ASIC2: variants seen among roughly 807,000 people sequenced by gnomAD.
ASIC2 encodes the protein acid-sensing ion channel 2.
ASIC2 carries 25 observed loss-of-function variants against 57.3 expected under a neutral mutation model. That is an observed-to-expected ratio of 0.44 (90% confidence interval 0.32 to 0.61). The LOEUF (loss-of-function observed/expected upper bound fraction) is 0.61, where lower values mean the gene tolerates loss of function less well. Ranked by LOEUF, ASIC2 falls within the 20% of genes least tolerant of loss-of-function variation. The probability of loss-of-function intolerance (pLI) is 0.06; values close to 1 mark genes in which losing one functional copy is unlikely to be tolerated. For synonymous variants in ASIC2, 319 were observed against 307.5 expected (o/e 1.04, Z -0.39); for missense variants, 641 against 738.1 (o/e 0.87, Z 1.52).
At chr17:33,959,334 T>G (rs1904846144) in intron 1 of ASIC2, among the ~76,000 whole-genome samples, 1 of 152,206 alleles carries the variant, frequency 6.6e-6, no homozygotes, top group South Asian at 2.1e-4. Context: ...CAATTTACAG[T>G]ATTAATCAGG....
In ASIC2 at chr17:33,048,960, A is replaced by G. The variant is rs143122016; in HGVS notation, c.988-20568T>C. Among the ~76,000 whole-genome samples the G allele has an allele frequency of 2.1e-3, 327 of 152,316 alleles. 3 individuals carry two copies. The highest frequency in any genetic ancestry group is 2.0e-3 in the Non-Finnish European group (137 of 68,018). On this transcript the variant is annotated intron_variant, in intron 3 of 9. Transcript: ENST00000225823. ...GGACATGCACTCTTACCTTTTCATC[A>G]GGGGCTCAACCAAGTGACATCAGTG...
At chr17:33,272,626 C>T (rs111418255) in intron 1 of ASIC2, among the ~76,000 whole-genome samples, 3 of 152,266 alleles carry the variant, frequency 2.0e-5, no homozygotes, top group East Asian at 1.9e-4. Flanking sequence ...TCATCGTCAT[C>T]GTGAGCATCA....
At chr17:34,106,766 C>T (rs1230630619) in intron 1 of ASIC2, among the ~76,000 whole-genome samples, 2 of 152,152 alleles carry the variant, frequency 1.3e-5, no homozygotes, top group Non-Finnish European at 2.9e-5. Context: ...TGTTTTAAAG[C>T]ACTTTCTTAT....
chr17:33,500,937 G>A (rs555947590), intron 1 of ASIC2, among the ~76,000 whole-genome samples: 1 of 152,364 alleles, frequency 6.6e-6, no homozygotes, highest in African/African-American at 2.4e-5. Context: ...AACTCTCTCT[G>A]ATATTACCAC....
intron 1 of ASIC2, among the ~76,000 whole-genome samples, chr17:33,787,257 T>C (rs912658487): frequency 2.0e-5 from 3 of 152,244 alleles, no homozygotes; most frequent in African/African-American, 4.8e-5. Context: ...GTCCCAGAGC[T>C]ATTACTACCT....
At chr17:33,855,814 A>C (rs1237147945) in intron 1 of ASIC2, among the ~76,000 whole-genome samples, 1 of 152,212 alleles carries the variant, frequency 6.6e-6, no homozygotes, top group Non-Finnish European at 1.5e-5. Flanking sequence ...ATAACTCAGA[A>C]TGGCCAACTC....
At chr17:33,391,463 G>C (rs1333296053) in intron 1 of ASIC2, among the ~76,000 whole-genome samples, 1 of 152,142 alleles carries the variant, frequency 6.6e-6, no homozygotes, top group East Asian at 1.9e-4. Flanking sequence ...TCTGGTCCTG[G>C]CTTCTCTTAG....
intron 1 of ASIC2, among the ~76,000 whole-genome samples, chr17:33,563,611 C>T (rs1413325245): frequency 6.6e-6 from 1 of 152,182 alleles, no homozygotes; most frequent in Non-Finnish European, 1.5e-5. Flanking sequence ...CCACCTGAAA[C>T]TTCTGGAGTG....
intron 1 of ASIC2, chr17:34,041,275 G>C (rs1425912775): frequency 6.6e-6 from 1 of 152,170 alleles, no homozygotes; most frequent in Admixed American, 6.5e-5. Flanking sequence ...ATCCTGGGTC[G>C]GAGGCAGAAG....
intron 1 of ASIC2, among the ~76,000 whole-genome samples, chr17:33,462,321 G>A (rs1387418163): frequency 6.6e-6 from 1 of 152,130 alleles, no homozygotes; most frequent in Non-Finnish European, 1.5e-5. Flanking sequence ...TGTAGCCATG[G>A]GACTAAATTC....
chr17:33,202,081 A>G (rs1906891683), intron 1 of ASIC2, among the ~76,000 whole-genome samples: 1 of 151,956 alleles, frequency 6.6e-6, no homozygotes, highest in South Asian at 2.1e-4. Context: ...GTCTAACACT[A>G]CTGGCTTGCC....
chr17:33,028,792 A>G (rs2091869187), intron 3 of ASIC2, among the ~76,000 whole-genome samples: 1 of 152,196 alleles, frequency 6.6e-6, no homozygotes, highest in Admixed American at 6.5e-5. Context: ...TCTCTTGGAA[A>G]GACCCAACTA....
At position 33,763,949 on chromosome 17, in the gene ASIC2, T is replaced by G. The variant is rs543331973; in HGVS notation, c.555+392029A>C. ...GTTGGAGGATTTCCCCTGCATCAACTCCATCCTGGGGGCTGCCCTCCTACC... is the reference window on the plus strand; with the variant it reads ...GTTGGAGGATTTCCCCTGCATCAACGCCATCCTGGGGGCTGCCCTCCTACC... On this transcript the variant is annotated intron_variant, in intron 1 of 9. Coordinates refer to the ASIC2 transcript ENST00000359872. 2.0e-5 allele frequency among the ~76,000 whole-genome samples: 3 copies of G among 152,300 alleles called. No homozygotes were observed. The South Asian group carries it at 6.2e-4, about 32-fold the overall frequency.
chr17:34,104,257 A>G (rs1418784676), intron 1 of ASIC2, among the ~76,000 whole-genome samples: 1 of 152,160 alleles, frequency 6.6e-6, no homozygotes, highest in East Asian at 1.9e-4. Flanking sequence ...TTCTGCCAAT[A>G]TATAGAAATA....
At chr17:33,786,488 C>G (rs1197386799) in intron 1 of ASIC2, among the ~76,000 whole-genome samples, 1 of 152,104 alleles carries the variant, frequency 6.6e-6, no homozygotes, top group Non-Finnish European at 1.5e-5. Flanking sequence ...TCTGCTATCA[C>G]CATTATTTTA....
intron 1 of ASIC2, among the ~76,000 whole-genome samples, chr17:33,938,885 C>T (rs969376095): frequency 1.3e-5 from 2 of 152,226 alleles, no homozygotes; most frequent in African/African-American, 4.8e-5. Context: ...GATCATTGGA[C>T]CATCCCTGCT....
At chr17:33,081,616 A>G (rs978354553) in intron 3 of ASIC2, among the ~76,000 whole-genome samples, 1 of 152,164 alleles carries the variant, frequency 6.6e-6, no homozygotes, top group African/African-American at 2.4e-5. Flanking sequence ...TGAAACATGG[A>G]TATTAAGGAC....
chr17:33,974,116 T>G (rs990423917), intron 1 of ASIC2, among the ~76,000 whole-genome samples: 5 of 152,044 alleles, frequency 3.3e-5, no homozygotes, highest in African/African-American at 1.2e-4. Flanking sequence ...AGATGCTTTC[T>G]TAGGTTTTTT....
At chr17:33,580,463 T>C (rs1904395693) in intron 1 of ASIC2, among the ~76,000 whole-genome samples, 1 of 152,248 alleles carries the variant, frequency 6.6e-6, no homozygotes. Flanking sequence ...ATGCAAATGA[T>C]GTTACTTGTA....
Sources: gnomAD v4.1 joint callset for allele counts (sites outside exome capture counted in the v4.1 genomes callset) on GRCh38, gnomAD v4.1.1 for gene constraint, MANE v1.5 for transcripts, NCBI Gene and HGNC (gene_info 2026-07-23, HGNC 2026-07-21) for gene names.